The following PAPPA variants were observed in gnomAD, a reference collection of about 807,000 sequenced individuals.
PAPPA encodes pappalysin-1.
In PAPPA, 60 loss-of-function variants were observed where a neutral mutation model predicts 164.0. The observed-to-expected ratio is 0.37, with a 90% CI of 0.30 to 0.45. PAPPA has a LOEUF of 0.45. Ranked by LOEUF, PAPPA falls within the 20% of genes least tolerant of loss-of-function variation. The pLI is 1.00. For missense variants in PAPPA, 1,782 were observed against 2,087.3 expected (o/e 0.85, Z 2.85); for synonymous variants, 875 against 814.1 (o/e 1.07, Z -1.27).
intron 6 of PAPPA, among the ~76,000 whole-genome samples, chr9:116,231,412 G>A (rs566772845): frequency 6.6e-6 from 1 of 151,394 alleles, no homozygotes; most frequent in East Asian, 2.0e-4. Context: ...CCGACTACAT[G>A]TCCAATCAAT....
At chr9:116,255,366 G>A (rs1472385522) in intron 7 of PAPPA, among the ~76,000 whole-genome samples, 1 of 151,900 alleles carries the variant, frequency 6.6e-6, no homozygotes, top group African/African-American at 2.4e-5. Flanking sequence ...CTGCCTTTCA[G>A]GTTTATATTA....
At chr9:116,233,229 A>T (rs990040288) in intron 6 of PAPPA, among the ~76,000 whole-genome samples, 1 of 152,284 alleles carries the variant, frequency 6.6e-6, no homozygotes, top group African/African-American at 2.4e-5. Context: ...GCTCTTTAAT[A>T]GAGACAAAAT....
At chr9:116,221,587 A>G (rs1456784543) in intron 5 of PAPPA, among the ~76,000 whole-genome samples, 1 of 152,206 alleles carries the variant, frequency 6.6e-6, no homozygotes, top group Non-Finnish European at 1.5e-5. Flanking sequence ...AAAGGTGACC[A>G]GAGGGTCATG....
intron 7 of PAPPA, among the ~76,000 whole-genome samples, chr9:116,236,016 T>C (rs1844661049): frequency 6.6e-6 from 1 of 152,196 alleles, no homozygotes; most frequent in East Asian, 1.9e-4. Context: ...TTATATTAAA[T>C]TGAAGACAAT....
chr9:116,391,466 C>G (rs1180699753), intron 21 of PAPPA, among the ~76,000 whole-genome samples: 2 of 152,214 alleles, frequency 1.3e-5, no homozygotes, highest in Non-Finnish European at 2.9e-5. Context: ...GGCACCCCCA[C>G]CATGCTCTGC....
intron 17 of PAPPA, among the ~76,000 whole-genome samples, chr9:116,357,685 C>T (rs765368661): frequency 2.0e-5 from 3 of 152,126 alleles, no homozygotes; most frequent in Non-Finnish European, 4.4e-5. Flanking sequence ...GGATTTAATC[C>T]AGCTCAGATG....
In PAPPA at chr9:116,317,336, T is replaced by A. The variant is rs183268912; in HGVS notation, c.3148-13908T>A. 1.1e-3 allele frequency among the ~76,000 whole-genome samples: 169 copies of A among 152,226 alleles called. 1 individual carries two copies. The highest frequency in any genetic ancestry group is 3.8e-3 in the African/African-American group (158 of 41,526). ...GATCATCACTTTCCTGATTAACCCATGAATGCCCAGGGACTTTGATTTAAA... is the reference window on the plus strand; with the variant it reads ...GATCATCACTTTCCTGATTAACCCAAGAATGCCCAGGGACTTTGATTTAAA... On this transcript the variant is annotated intron_variant, in intron 10 of 21. Transcript: ENST00000328252.
At chr9:116,250,708 T>C (rs1300534887) in intron 7 of PAPPA, among the ~76,000 whole-genome samples, 1 of 152,256 alleles carries the variant, frequency 6.6e-6, no homozygotes, top group East Asian at 1.9e-4. Flanking sequence ...AGATCATCTA[T>C]GCCAGGACTG....
chr9:116,307,010 T>C (rs1224157205), intron 10 of PAPPA, among the ~76,000 whole-genome samples: 1 of 152,196 alleles, frequency 6.6e-6, no homozygotes, highest in African/African-American at 2.4e-5. Context: ...GGGGAGTAGT[T>C]TGAGGGCCAA....
At chr9:116,196,007 G>A (rs748606673) in intron 2 of PAPPA, among the ~76,000 whole-genome samples, 2 of 152,190 alleles carry the variant, frequency 1.3e-5, no homozygotes, top group Non-Finnish European at 2.9e-5. Flanking sequence ...GCAAAGGCAT[G>A]TCTGGGATTC....
intron 10 of PAPPA, among the ~76,000 whole-genome samples, chr9:116,315,928 G>A (rs1223560984): frequency 1.3e-5 from 2 of 152,202 alleles, no homozygotes; most frequent in African/African-American, 2.4e-5. Flanking sequence ...ATTATGTAGA[G>A]AACTCTACAC....
intron 18 of PAPPA, among the ~76,000 whole-genome samples, chr9:116,365,714 C>A (rs1846492966): frequency 6.6e-6 from 1 of 152,022 alleles, no homozygotes; most frequent in Non-Finnish European, 1.5e-5. Flanking sequence ...ACTCCATAAG[C>A]AGTTTCTCTG....
At chr9:116,253,531 C>T (rs770910135) in intron 7 of PAPPA, among the ~76,000 whole-genome samples, 3 of 152,116 alleles carry the variant, frequency 2.0e-5, no homozygotes, top group African/African-American at 7.2e-5. Context: ...CAAGGGCATA[C>T]AATACTTTCT....
intron 6 of PAPPA, among the ~76,000 whole-genome samples, chr9:116,229,905 C>T (rs1441470971): frequency 1.3e-5 from 2 of 152,206 alleles, no homozygotes; most frequent in Admixed American, 6.5e-5. Context: ...CCTGAGATGT[C>T]TCTGGCTAAA....
intron 17 of PAPPA, among the ~76,000 whole-genome samples, chr9:116,354,715 T>C (rs1483425115): frequency 6.6e-6 from 1 of 152,154 alleles, no homozygotes; most frequent in Admixed American, 6.5e-5. Flanking sequence ...CAGGCCAACA[T>C]CAACTCTTTG....
intron 19 of PAPPA, among the ~76,000 whole-genome samples, chr9:116,375,589 C>CT (rs1490424127): frequency 6.6e-6 from 1 of 152,188 alleles, no homozygotes; most frequent in African/African-American, 2.4e-5. Context: ...AGCATCCCCT[C>CT]TGTCAGGCAT....
intron 9 of PAPPA, among the ~76,000 whole-genome samples, chr9:116,272,164 T>C (rs1845144848): frequency 6.6e-6 from 1 of 151,938 alleles, no homozygotes; most frequent in Non-Finnish European, 1.5e-5. Context: ...CAGACAGGGG[T>C]TGGGAGGGGC....
At chr9:116,382,024 T>C (rs1054405443) in intron 20 of PAPPA, among the ~76,000 whole-genome samples, 4 of 152,066 alleles carry the variant, frequency 2.6e-5, no homozygotes, top group African/African-American at 9.7e-5. Context: ...CTGAAAAAAG[T>C]GGGAGAAGGA....
chr9:116,237,394 T>A (rs1331592502), intron 7 of PAPPA, among the ~76,000 whole-genome samples: 1 of 152,218 alleles, frequency 6.6e-6, no homozygotes. Context: ...TCTATAAATA[T>A]GCTTCCACTT....
Sources: gnomAD v4.1 joint callset for allele counts (sites outside exome capture counted in the v4.1 genomes callset) on GRCh38, gnomAD v4.1.1 for gene constraint, MANE v1.5 for transcripts, NCBI Gene and HGNC (gene_info 2026-07-23, HGNC 2026-07-21) for gene names.